The following PDE6A variants were observed in gnomAD, a reference collection of about 807,000 sequenced individuals.
The protein encoded by PDE6A is phosphodiesterase 6A.
PDE6A carries 84 observed loss-of-function variants against 106.3 expected under a neutral mutation model. The observed-to-expected ratio is 0.79, with a 90% CI of 0.66 to 0.95. PDE6A has a LOEUF of 0.95. Among genes scored for constraint, PDE6A ranks in the 40% least tolerant of loss-of-function variants. The pLI is 0.00. For missense variants in PDE6A, 1,052 were observed against 1,084.9 expected, an observed-to-expected ratio of 0.97 and a Z score of 0.43; for synonymous variants, 394 against 386.6, an observed-to-expected ratio of 1.02 and a Z score of -0.23.
At chr5:149,943,409 CTTT>C (rs958408307) in intron 1 of PDE6A, among the ~76,000 whole-genome samples, 132 of 152,150 alleles carry the variant, frequency 8.7e-4, no homozygotes, top group African/African-American at 3.1e-3. Flanking sequence ...TTTCTTATGT[CTTT>C]TTCTTTCTAC....
intron 6 of PDE6A, 42 bp from the exon 7 acceptor site, chr5:149,907,420 A>C (rs1753233395): frequency 6.5e-7 from 1 of 1,530,520 alleles, no homozygotes; most frequent in Non-Finnish European, 9.1e-7. Context: ...CAGTGCAGGG[A>C]TTGCTGGACT....
intron 17 of PDE6A, among the ~76,000 whole-genome samples, chr5:149,868,943 C>A (rs1188641961): frequency 6.6e-6 from 1 of 152,122 alleles, no homozygotes; most frequent in Non-Finnish European, 1.5e-5. Flanking sequence ...CAGAAACTCT[C>A]ACCCAAAAAA....
intron 1 of PDE6A, among the ~76,000 whole-genome samples, chr5:149,936,156 A>AGG (rs1436496265): frequency 6.1e-5 from 9 of 147,120 alleles, no homozygotes; most frequent in African/African-American, 2.0e-4. Context: ...CCTGTCTCTA[A>AGG]AAAAGGAAGG....
chr5:149,883,361 C>T (rs1456489022), intron 17 of PDE6A, 68 bp downstream of exon 17: 7 of 1,004,404 alleles, frequency 7.0e-6, no homozygotes, highest in Non-Finnish European at 1.1e-5. Flanking sequence ...GCAGCAAGAG[C>T]TGTCAGTGCA....
chr5:149,889,991 T>C (rs1428787400), intron 13 of PDE6A, among the ~76,000 whole-genome samples: 1 of 150,798 alleles, frequency 6.6e-6, no homozygotes, highest in African/African-American at 2.4e-5. Context: ...AGTCTTGCTT[T>C]GTTGTCCAGG....
At chr5:149,914,330 A>G (rs916011303) in intron 6 of PDE6A, among the ~76,000 whole-genome samples, 3 of 152,124 alleles carry the variant, frequency 2.0e-5, no homozygotes, top group Non-Finnish European at 4.4e-5. Context: ...GTGGGGTCTC[A>G]TTGGATTTGG....
chr5:149,866,164 G>A lies in PDE6A; in HGVS notation c.2358+6C>T, dbSNP rs1313055098. The A allele has an allele frequency of 1.2e-6, 2 of 1,605,242 alleles. No homozygotes were observed. Among genetic ancestry groups the A allele is most frequent in the Admixed American group, 3.3e-5 (2 of 60,004 alleles). On this transcript the variant is annotated splice_donor_region_variant and intron_variant, in intron 20 of 21. Coordinates refer to ENST00000255266, the MANE Select transcript of PDE6A (RefSeq NM_000440.3). ...CTTGTTGCGGCTGAGGAAGCCAAGG[G>A]CCTACCTTGTAGACGAAGGTGCAAA...
rs568988989 is a variant in PDE6A at position 149,860,542 on chromosome 5, C to G, written c.*353G>C. The G allele has an allele frequency of 3.4e-5, 7 of 206,142 alleles. No individual in the cohort carries two copies. The highest frequency in any genetic ancestry group is 1.4e-4 in the African/African-American group (6 of 43,638). 12.8% of individuals were successfully genotyped at this position (206,142 alleles called of 1,614,324 possible). A position where few individuals can be genotyped will look rare whatever the true frequency, so the allele number is the denominator to read the frequency against. ...GCCACTGGATAAGGTATAAGCCAAG[C>G]TTGTTCAACCCACGGCCCGTGGGCC... On this transcript the variant is annotated 3_prime_UTR_variant, in exon 22 of 22. Transcript: ENST00000255266.
intron 3 of PDE6A, among the ~76,000 whole-genome samples, chr5:149,932,852 C>T (rs1754082209): frequency 1.3e-5 from 2 of 152,242 alleles, no homozygotes; most frequent in African/African-American, 2.4e-5. Flanking sequence ...CGGTGAGGAC[C>T]GCCGCCCTCC....
At chr5:149,880,555 CA>C (rs934389246) in intron 17 of PDE6A, among the ~76,000 whole-genome samples, 6 of 150,732 alleles carry the variant, frequency 4.0e-5, no homozygotes, top group African/African-American at 7.3e-5. Flanking sequence ...ACTAAAAATA[CA>C]AAAAAAATTA....
intron 13 of PDE6A, among the ~76,000 whole-genome samples, chr5:149,892,037 G>C (rs1243450679): frequency 2.0e-5 from 3 of 152,154 alleles, no homozygotes; most frequent in Admixed American, 2.0e-4. Context: ...TTTTCACTGA[G>C]TTTAATAGCT....
In PDE6A at chr5:149,903,690, G is replaced by C; in HGVS notation, c.1071C>G (p.Cys357Trp). ...CCTCCGCAGGCGCATTCATGATGTT[G>C]CAAATCTGAGAGCAGTGAAGGGGAA... ...PAYVAQNGLI[C>W]NIMNAPAEDF... is the part of the protein sequence containing the mutation. Residue 357 changes from cysteine (C) to tryptophan (W), a missense_variant, in exon 8 of 22, where the codon TGC becomes TGG. Physicochemically the swap from Cys to Trp is radical, Grantham distance 215. This residue lies in a region of PDE6A where 913 missense variants were observed against 915.2 expected (regional missense o/e 1.00). Transcript: ENST00000255266. 1 of 1,613,530 alleles carries C rather than the reference G, an allele frequency of 6.2e-7. No individual in the cohort carries two copies. Among genetic ancestry groups the C allele is most frequent in the Non-Finnish European group, 8.5e-7 (1 of 1,179,444 alleles).
intron 17 of PDE6A, among the ~76,000 whole-genome samples, chr5:149,875,485 C>CTTTTTT: frequency 6.7e-6 from 1 of 148,202 alleles, no homozygotes; most frequent in Non-Finnish European, 1.5e-5. Context: ...TACATACTGA[C>CTTTTTT]TATTTTTTTT....
intron 7 of PDE6A, among the ~76,000 whole-genome samples, chr5:149,904,725 C>A (rs961021115): frequency 6.6e-6 from 1 of 152,162 alleles, no homozygotes; most frequent in Non-Finnish European, 1.5e-5. Flanking sequence ...TGCCTGCTCA[C>A]TGCACCAGCC....
At chr5:149,898,593 C>A in intron 9 of PDE6A, 87 bp from the exon 10 acceptor site, 1 of 1,384,022 alleles carries the variant, frequency 7.2e-7, no homozygotes, top group Non-Finnish European at 1.0e-6. Flanking sequence ...CTCTAGGCCT[C>A]TGTTTTCTCA....
At chr5:149,861,225 T>A (rs6875974) in intron 21 of PDE6A, among the ~76,000 whole-genome samples, 64,181 of 152,148 alleles carry the variant, frequency 0.42, 13,810 homozygotes, top group Middle Eastern at 0.49. Context: ...CCAGGGGAGC[T>A]GTGAACATGA....
intron 17 of PDE6A, among the ~76,000 whole-genome samples, chr5:149,877,543 G>A (rs1335538800): frequency 1.3e-5 from 2 of 152,120 alleles, no homozygotes; most frequent in Admixed American, 6.5e-5. Context: ...CCGAGTAGCT[G>A]GGATTACAGG....
intron 5 of PDE6A, among the ~76,000 whole-genome samples, chr5:149,920,974 G>A (rs895824980): frequency 7.6e-6 from 1 of 131,050 alleles, no homozygotes; most frequent in Non-Finnish European, 1.5e-5. Context: ...AAGAAAGAAA[G>A]AAAGAAAGAA....
intron 17 of PDE6A, among the ~76,000 whole-genome samples, chr5:149,876,461 T>C (rs1347146355): frequency 6.7e-6 from 1 of 148,844 alleles, no homozygotes; most frequent in Non-Finnish European, 1.5e-5. Context: ...GCTCAAGTAA[T>C]CCTCCCACTT....
Sources: allele counts gnomAD v4.1 joint callset (sites outside exome capture counted in the v4.1 genomes callset), GRCh38; gene constraint gnomAD v4.1.1; regional missense constraint gnomAD v4.1.1; transcripts MANE v1.5; gene names NCBI Gene and HGNC (gene_info 2026-07-23, HGNC 2026-07-21).